The following SEM1 variants were observed in gnomAD, a reference collection of about 807,000 sequenced individuals.
SEM1 encodes SEM1 26S proteasome subunit.
Under a neutral mutation model 12.7 loss-of-function variants are expected in SEM1, and 3 were observed. The observed-to-expected ratio is 0.24, with a 90% confidence interval of 0.11 to 0.61. The LOEUF is 0.61. Ranked by LOEUF, SEM1 falls within the 20% of genes least tolerant of loss-of-function variation. The pLI, the probability that SEM1 is intolerant of heterozygous loss-of-function variation, is 0.88. For synonymous variants in SEM1, 30 were observed against 27.8 expected (o/e 1.08, Z -0.25); for missense variants, 59 against 81.3 (o/e 0.73, Z 1.06).
intron 1 of SEM1, among the ~76,000 whole-genome samples, chr7:96,700,915 G>A (rs1305113921): frequency 6.6e-6 from 1 of 151,978 alleles, no homozygotes; most frequent in Non-Finnish European, 1.5e-5. Flanking sequence ...GTCTTTCTAT[G>A]AATAACCACA....
chr7:96,684,061 G>T (rs920365031), downstream of SEM1, among the ~76,000 whole-genome samples: 2 of 151,988 alleles, frequency 1.3e-5, no homozygotes, highest in Admixed American at 1.3e-4. Context: ...TTGTAGGCTT[G>T]TTTTACAGGA....
chr7:96,495,430 G>C (rs552885071), intron 1 of SEM1, among the ~76,000 whole-genome samples: 14 of 152,136 alleles, frequency 9.2e-5, no homozygotes, highest in Non-Finnish European at 1.8e-4. Flanking sequence ...CTGTAGGAGA[G>C]ACATTAACAA....
At chr7:96,585,885 T>C (rs1200016711) in intron 2 of SEM1, among the ~76,000 whole-genome samples, 1 of 152,224 alleles carries the variant, frequency 6.6e-6, no homozygotes, top group African/African-American at 2.4e-5. Context: ...CCTAGTGAGA[T>C]GAACCCTGTA....
chr7:96,529,647 G>T (rs995130106), intron 2 of SEM1, among the ~76,000 whole-genome samples: 1 of 152,038 alleles, frequency 6.6e-6, no homozygotes, highest in Admixed American at 6.6e-5. Context: ...TTGAAGAAGG[G>T]TTCTCACTTA....
chr7:96,542,023 C>T (rs1282372455), intron 2 of SEM1, among the ~76,000 whole-genome samples: 5 of 140,628 alleles, frequency 3.6e-5, no homozygotes, highest in African/African-American at 5.4e-5. Flanking sequence ...AGTTGAGTAA[C>T]GTGATACCTC....
At chr7:96,583,244 AG>A (rs1228738777) in intron 2 of SEM1, among the ~76,000 whole-genome samples, 4 of 148,676 alleles carry the variant, frequency 2.7e-5, no homozygotes, top group Non-Finnish European at 5.9e-5. Context: ...GTAGTCATTC[AG>A]GAGCAGGTTG....
chr7:96,563,215 TC>T (rs1214928574), intron 2 of SEM1, among the ~76,000 whole-genome samples: 7 of 151,960 alleles, frequency 4.6e-5, no homozygotes, highest in Admixed American at 3.9e-4. Context: ...AACAGGTTAA[TC>T]TAGATACAAG....
chr7:96,696,818 GA>G (rs1337586756), intron 1 of SEM1: 2 of 151,922 alleles, frequency 1.3e-5, no homozygotes, highest in Non-Finnish European at 2.9e-5. Flanking sequence ...TGTATAACAT[GA>G]AAAAGCTGTA....
At chr7:96,661,721 C>T (rs1025867504) in intron 2 of SEM1, among the ~76,000 whole-genome samples, 1 of 152,142 alleles carries the variant, frequency 6.6e-6, no homozygotes, top group Non-Finnish European at 1.5e-5. Context: ...GGCGTGGTGC[C>T]TCATGCCTGT....
chr7:96,504,943 G>A (rs1340934375), intron 3 of SEM1, among the ~76,000 whole-genome samples: 1 of 151,728 alleles, frequency 6.6e-6, no homozygotes, highest in African/African-American at 2.4e-5. Flanking sequence ...CATCCCCATG[G>A]TGTAGCTTAG....
chr7:96,693,979 T>C (rs1451380913), intron 2 of SEM1, among the ~76,000 whole-genome samples: 1 of 151,940 alleles, frequency 6.6e-6, no homozygotes, highest in African/African-American at 2.4e-5. Flanking sequence ...GAATATACAA[T>C]ATGGAACATG....
chr7:96,590,430 G>T (rs150747800), intron 2 of SEM1, among the ~76,000 whole-genome samples: 1 of 152,046 alleles, frequency 6.6e-6, no homozygotes, highest in Non-Finnish European at 1.5e-5. Context: ...GAAACTCCAC[G>T]AACAAGCACT....
chr7:96,699,866 A>C (rs528331112), intron 1 of SEM1, among the ~76,000 whole-genome samples: 7 of 152,284 alleles, frequency 4.6e-5, no homozygotes, highest in Non-Finnish European at 1.0e-4. Flanking sequence ...CCCAGGATAA[A>C]CACTTCCAAA....
intron 1 of SEM1, among the ~76,000 whole-genome samples, chr7:96,699,417 CAT>C (rs749929962): frequency 2.2e-4 from 34 of 152,188 alleles, no homozygotes; most frequent in Non-Finnish European, 4.3e-4. Context: ...GAAACTTACA[CAT>C]ATCACTGTCA....
chr7:96,652,792 G>A (rs897985564), intron 2 of SEM1, among the ~76,000 whole-genome samples: 12 of 152,228 alleles, frequency 7.9e-5, no homozygotes, highest in South Asian at 6.2e-4. Context: ...CACTCATATC[G>A]TTAATCACTC....
chr7:96,618,909 C>A (rs1307865494), downstream of SEM1, among the ~76,000 whole-genome samples: 1 of 152,078 alleles, frequency 6.6e-6, no homozygotes, highest in Non-Finnish European at 1.5e-5. Context: ...CATGATTACA[C>A]CTCTGCACTT....
chr7:96,691,390 C>G (rs1188124647), intron 2 of SEM1, among the ~76,000 whole-genome samples: 1 of 152,178 alleles, frequency 6.6e-6, no homozygotes, highest in Non-Finnish European at 1.5e-5. Flanking sequence ...CAGTAAAGCA[C>G]TAATTATCAT....
chr7:96,662,114 C>T (rs532644453), intron 2 of SEM1, among the ~76,000 whole-genome samples: 6 of 152,024 alleles, frequency 3.9e-5, no homozygotes, highest in South Asian at 2.1e-4. Flanking sequence ...GACACTATGG[C>T]GATTCCTCAA....
At chr7:96,626,199 C>G (rs904598471) in intron 2 of SEM1, among the ~76,000 whole-genome samples, 1 of 152,052 alleles carries the variant, frequency 6.6e-6, no homozygotes, top group Non-Finnish European at 1.5e-5. Context: ...CTCTGGTAAC[C>G]ATCCTTCTAC....
Sources: gnomAD v4.1 joint callset for allele counts (sites outside exome capture counted in the v4.1 genomes callset) on GRCh38, gnomAD v4.1.1 for gene constraint, MANE v1.5 for transcripts, NCBI Gene and HGNC (gene_info 2026-07-23, HGNC 2026-07-21) for gene names.